The following LTBP4 variants were observed in gnomAD, a reference collection of about 807,000 sequenced individuals.
The protein encoded by LTBP4 is latent-transforming growth factor beta-binding protein 4.
Under a neutral mutation model 180.2 loss-of-function variants are expected in LTBP4, and 93 were observed. The observed-to-expected ratio is 0.52, with a 90% CI of 0.44 to 0.61. LTBP4 has a LOEUF of 0.61. Among genes scored for constraint, LTBP4 ranks in the 20% least tolerant of loss-of-function variants. The probability of loss-of-function intolerance (pLI) is 0.00; values close to 1 mark genes in which losing one functional copy is unlikely to be tolerated. For missense variants in LTBP4, 2,116 were observed against 2,256.5 expected, an observed-to-expected ratio of 0.94 and a Z score of 1.26; for synonymous variants, 947 against 934.5, an observed-to-expected ratio of 1.01 and a Z score of -0.24.
In LTBP4 at chr19:40,601,506, T is replaced by G; in HGVS notation, c.119T>G (p.Val40Gly). 1 of 1,498,290 alleles carries G rather than the reference T, an allele frequency of 6.7e-7. No homozygotes were observed. The highest frequency in any genetic ancestry group is 1.2e-5 in the South Asian group (1 of 80,004). The allele number at this position is 1,498,290 out of a possible 1,614,324, so 92.8% of individuals were successfully genotyped here. A position where few individuals can be genotyped will look rare whatever the true frequency, so the allele number is the denominator to read the frequency against. The change falls in exon 1 of 30, where the codon GTG (valine) becomes GGG (glycine). Residue 40 changes from valine (V) to glycine (G), a missense_variant. This residue lies in a region of LTBP4 where 469 missense variants were observed against 532.5 expected (regional missense o/e 0.88). Coordinates refer to ENST00000396819, the MANE Select transcript of LTBP4 (RefSeq NM_001042545.2). The part of the protein sequence containing the change: ...ERLRVRFTPV[V>G]CGLRCVHGPT... Reference sequence around the variant, plus strand: ...CTCCGCGTGCGCTTCACCCCGGTCGTGTGCGGCCTGCGCTGCGTCCATGGG... The same window carrying G: ...CTCCGCGTGCGCTTCACCCCGGTCGGGTGCGGCCTGCGCTGCGTCCATGGG...
At chr19:40,595,053 A>C (rs1199977862) in intron 1 of LTBP4, among the ~76,000 whole-genome samples, 1 of 152,060 alleles carries the variant, frequency 6.6e-6, no homozygotes, top group Non-Finnish European at 1.5e-5. Flanking sequence ...GGGCGGGGCT[A>C]ACGCTACAGA....
At chr19:40,599,124 C>G, upstream of LTBP4, 1 of 1,421,324 alleles carries the variant, frequency 7.0e-7, no homozygotes, top group Non-Finnish European at 9.7e-7. Context: ...TTGGTTTCCC[C>G]TCCCCGATTG....
rs1356309842 is a variant in LTBP4, at chr19:40,616,935, G to C, written c.2859G>C (p.Gln953His). Reference protein sequence around the residue: ...QEYGPEICGAQRCENTPGSYR... With the variant: ...QEYGPEICGAHRCENTPGSYR... ...ATGGTCCCGAGATTTGTGGAGCCCA[G>C]CGTTGTGAGAACACCCCTGGCTCCT... The change falls in exon 20 of 30, where the codon CAG becomes CAC. Residue 953 changes from glutamine (Q) to histidine (H), a missense_variant. Gln to His is a conservative substitution (Grantham distance 24). This residue lies in a region of LTBP4 where 877 missense variants were observed against 873.6 expected (regional missense o/e 1.00). Coordinates refer to ENST00000396819, the MANE Select transcript of LTBP4 (RefSeq NM_001042545.2). The C allele has an allele frequency of 6.2e-7, 1 of 1,614,028 alleles. No homozygotes were observed. Among genetic ancestry groups the C allele is most frequent in the Admixed American group, 1.7e-5 (1 of 60,022 alleles).
In LTBP4 at chr19:40,627,831, T is replaced by C. The variant is rs1244980211; in HGVS notation, c.4493T>C (p.Leu1498Pro). ...TGCCGTTGCTTCGACGGCTACCGCC[T>C]GGACATGACCCGCATGGCCTGCGTT... is the stretch of plus-strand genomic sequence containing the variant. ...FTCRCFDGYR[L>P]DMTRMACVDI... The change falls in exon 29 of 30, where the codon CTG becomes CCG. Residue 1498 changes from leucine to proline, a missense_variant. Around this residue, in one of 5 missense-constraint regions of LTBP4, gnomAD observed 488 missense variants for 458.8 expected, o/e 1.06. Transcript: ENST00000396819. 4 of 1,570,032 alleles carry C rather than the reference T, an allele frequency of 2.5e-6. No individual in the cohort carries two copies. Among genetic ancestry groups the C allele is most frequent in the Non-Finnish European group, 3.4e-6 (4 of 1,163,942 alleles).
rs954730662 is a variant in LTBP4, at chr19:40,609,453, G to C, written c.1427-77G>C. 1.8e-5 allele frequency: 28 copies of C among 1,570,590 alleles called. No homozygotes were observed. The highest frequency in any genetic ancestry group is 2.4e-5 in the Non-Finnish European group (28 of 1,148,142). On this transcript the variant is annotated intron_variant, in intron 9 of 29. Coordinates refer to ENST00000396819, the MANE Select transcript of LTBP4 (RefSeq NM_001042545.2). This position sits in a 1 kb window ranked among gnomAD's most constrained non-coding sequence, Gnocchi z 4.9. ...ATGAAGGTGTTTTATGGATGTCTCC[G>C]GGGGTGGGGGTTTTACTGGGATGAA...
Position 40,622,101 on chromosome 19 carries a change from A to G in LTBP4, c.3218-300A>G, listed in dbSNP as rs1264125911. ...TCAGCCAGTTTGCCACACACTGGAT[A>G]AGAGACCCAGAGAGGCATCCAGGAA... On this transcript the variant is annotated intron_variant, in intron 22 of 29. Coordinates refer to ENST00000396819, the MANE Select transcript of LTBP4 (RefSeq NM_001042545.2). This position sits in a 1 kb window ranked among gnomAD's most constrained non-coding sequence, Gnocchi z 5.1. 6.6e-6 allele frequency among the ~76,000 whole-genome samples: 1 copy of G among 152,140 alleles called. No individual in the cohort carries two copies. Among genetic ancestry groups the G allele is most frequent in the Non-Finnish European group, 1.5e-5 (1 of 68,026 alleles).
rs746058277 is a variant in LTBP4, at chr19:40,612,144, T to C, written c.2251T>C (p.Cys751Arg). Reference sequence around the variant, plus strand: ...TGTGAACTCGCCCGGCTCCTTCCAGTGCAGGACCTGTCCTTCTGGCCACCA... The same window carrying C: ...TGTGAACTCGCCCGGCTCCTTCCAGCGCAGGACCTGTCCTTCTGGCCACCA... Reference protein sequence around the residue: ...ECVNSPGSFQCRTCPSGHHLH... With the variant: ...ECVNSPGSFQRRTCPSGHHLH... Residue 751 changes from cysteine (C) to arginine (R), a missense_variant, in exon 15 of 30, where the codon TGC (cysteine) becomes CGC (arginine). Around this residue, in one of 5 missense-constraint regions of LTBP4, gnomAD observed 877 missense variants for 873.6 expected, o/e 1.00. Coordinates refer to ENST00000396819, the MANE Select transcript of LTBP4 (RefSeq NM_001042545.2). 20 of 1,612,818 alleles carry C rather than the reference T, an allele frequency of 1.2e-5. No individual in the cohort carries two copies. Among genetic ancestry groups the C allele is most frequent in the Admixed American group, 3.3e-5 (2 of 59,922 alleles).
intron 26 of LTBP4, among the ~76,000 whole-genome samples, chr19:40,624,707 T>TTATTA (rs1387833397): frequency 1.3e-5 from 2 of 151,404 alleles, no homozygotes; most frequent in African/African-American, 4.9e-5. Flanking sequence ...CTGATGAATT[T>TTATTA]TATTTTATTT....
chr19:40,611,660 G>A lies in LTBP4; in HGVS notation c.2054-199G>A, dbSNP rs925146393. ...AGGCAGGGCAGGCAACATGGAGTTG[G>A]TGCCTTAGCCCCCACCTTAGTAGCT... On this transcript the variant is annotated intron_variant, in intron 13 of 29. Coordinates refer to ENST00000396819, the MANE Select transcript of LTBP4 (RefSeq NM_001042545.2). This position sits in a 1 kb window ranked among gnomAD's most constrained non-coding sequence, Gnocchi z 4.4. Among the ~76,000 whole-genome samples the A allele has an allele frequency of 6.6e-6, 1 of 152,316 alleles. No homozygotes were observed.
At chr19:40,614,127 T>C in intron 18 of LTBP4, 89 bp downstream of exon 18, 1 of 1,552,292 alleles carries the variant, frequency 6.4e-7, no homozygotes, top group Non-Finnish European at 8.7e-7. Flanking sequence ...CCTCCTCCGC[T>C]TCTCCCCTCC....
In LTBP4 at chr19:40,623,464, C is replaced by A. The variant is rs1425604452; in HGVS notation, c.3557-140C>A. 45 of 1,098,770 alleles carry A rather than the reference C, an allele frequency of 4.1e-5. 1 individual carries two copies. The highest frequency in any genetic ancestry group is 5.5e-5 in the Non-Finnish European group (43 of 784,196). The allele number at this position is 1,098,770 out of a possible 1,614,324, so 68.1% of individuals were successfully genotyped here. A position where few individuals can be genotyped will look rare whatever the true frequency, so the allele number is the denominator to read the frequency against. On this transcript the variant is annotated intron_variant, in intron 24 of 29. Coordinates refer to ENST00000396819, the MANE Select transcript of LTBP4 (RefSeq NM_001042545.2). ...TGCTGGGATTTCAGGCATGAGCCAC[C>A]GCTCCTGGCCTCTCCATCTTTCTTT...
In LTBP4 at chr19:40,627,796, A is replaced by G; in HGVS notation, c.4458A>G (p.Glu1486=). Residue 1486 remains glutamate, a synonymous_variant, in exon 29 of 30, where the codon GAA becomes GAG. Coordinates refer to ENST00000396819, the MANE Select transcript of LTBP4 (RefSeq NM_001042545.2). The part of the protein sequence containing the change: ...CTNGRCVRVP[E]GFTCRCFDGY... ...ACGGCCGCTGCGTGCGCGTCCCCGAAGGCTTCACCTGCCGTTGCTTCGACG... is the reference window on the plus strand; with the variant it reads ...ACGGCCGCTGCGTGCGCGTCCCCGAGGGCTTCACCTGCCGTTGCTTCGACG... 1.9e-6 allele frequency: 3 copies of G among 1,570,430 alleles called. No homozygotes were observed. The South Asian group carries it at 3.5e-5, about 18-fold the overall frequency.
chr19:40,625,384 AC>A (rs111525174), intron 26 of LTBP4, among the ~76,000 whole-genome samples: 12 of 139,568 alleles, frequency 8.6e-5, no homozygotes, highest in Admixed American at 7.3e-4. Context: ...GGCTCAAGCA[AC>A]CCCCCCACCT....
chr19:40,601,343 C>T, upstream of LTBP4: 1 of 1,036,908 alleles, frequency 9.6e-7, no homozygotes, highest in Non-Finnish European at 1.2e-6. Flanking sequence ...CCGGGCCCCT[C>T]GGGCGGGCTG....
chr19:40,610,785 C>T, intron 12 of LTBP4, 128 bp downstream of exon 12: 6 of 1,368,762 alleles, frequency 4.4e-6, no homozygotes, highest in Non-Finnish European at 5.8e-6. Context: ...GGCTCTCGAG[C>T]AGACGTGTGG....
rs1379765428 is a variant in LTBP4, at chr19:40,605,198, A to G, written c.414A>G (p.Pro138=). 6.2e-6 allele frequency: 10 copies of G among 1,604,174 alleles called. No homozygotes were observed. Among genetic ancestry groups the G allele is most frequent in the African/African-American group, 1.3e-5 (1 of 74,670 alleles). The change falls in exon 2 of 30, where the codon CCA becomes CCG. Residue 138 remains proline, a synonymous_variant. Coordinates refer to ENST00000396819, the MANE Select transcript of LTBP4 (RefSeq NM_001042545.2). The surrounding 1 kb of genome is among the most constrained non-coding windows in gnomAD (Gnocchi z 5.5). The part of the protein sequence containing the change: ...PGLTRSVYTM[P]LANHRDDEHG... ...TCACCCGCTCCGTGTACACTATGCCACTGGCCAACCACCGCGACGACGAGC... is the reference window on the plus strand; with the variant it reads ...TCACCCGCTCCGTGTACACTATGCCGCTGGCCAACCACCGCGACGACGAGC...
In LTBP4 at chr19:40,613,450, G is replaced by A. The variant is rs755974021; in HGVS notation, c.2478G>A (p.Glu826=). The A allele has an allele frequency of 6.2e-7, 1 of 1,602,892 alleles. No individual in the cohort carries two copies. The highest frequency in any genetic ancestry group is 1.1e-5 in the South Asian group (1 of 88,966). ...GCGATTTCTGCTTCCCTCACGGCGA[G>A]TGCCTCAACACTGACGGCTCCTTTG... ...LEGDFCFPHG[E]CLNTDGSFAC... The change falls in exon 17 of 30, where the codon GAG becomes GAA. Residue 826 remains glutamate, a synonymous_variant. Coordinates refer to ENST00000396819, the MANE Select transcript of LTBP4 (RefSeq NM_001042545.2). This position sits in a 1 kb window ranked among gnomAD's most constrained non-coding sequence, Gnocchi z 5.0.
chr19:40,610,678 G>T (rs1259312246), intron 12 of LTBP4, 21 bp downstream of exon 12: 1 of 1,570,898 alleles, frequency 6.4e-7, no homozygotes, highest in Admixed American at 1.7e-5. Context: ...GGGAGGGGCA[G>T]CTGGGAAGGG....
chr19:40,597,853 G>A (rs1356766346), upstream of LTBP4, among the ~76,000 whole-genome samples: 4 of 142,908 alleles, frequency 2.8e-5, no homozygotes, highest in East Asian at 7.1e-4. Flanking sequence ...CGACCTTTGG[G>A]TTTTTCGAAT....
Sources: gnomAD v4.1 joint callset for allele counts (sites outside exome capture counted in the v4.1 genomes callset) on GRCh38, gnomAD v4.1.1 for gene constraint, gnomAD v4.1.1 regional missense constraint, Gnocchi (gnomAD v3.1) non-coding constraint, MANE v1.5 for transcripts, NCBI Gene and HGNC (gene_info 2026-07-23, HGNC 2026-07-21) for gene names.